DYNC2H1: variants seen among roughly 807,000 people sequenced by gnomAD.
The protein encoded by DYNC2H1 is dynein cytoplasmic 2 heavy chain 1.
In DYNC2H1, 410 loss-of-function variants were observed where a neutral mutation model predicts 570.0. That is an observed-to-expected ratio of 0.72 (90% confidence interval 0.66 to 0.78). The LOEUF (loss-of-function observed/expected upper bound fraction) is 0.78, where lower values mean the gene tolerates loss of function less well. Among genes scored for constraint, DYNC2H1 ranks in the 30% least tolerant of loss-of-function variants. The pLI is 0.00. For missense variants in DYNC2H1, 4,865 were observed against 5,046.4 expected (o/e 0.96, Z 1.09); for synonymous variants, 1,688 against 1,677.6 (o/e 1.01, Z -0.15).
intron 88 of DYNC2H1, among the ~76,000 whole-genome samples, chr11:103,470,476 G>T (rs1196259800): frequency 1.3e-5 from 2 of 152,080 alleles, no homozygotes; most frequent in African/African-American, 2.4e-5. Flanking sequence ...CAACGTGCAG[G>T]TTTGTTACGT....
intron 79 of DYNC2H1, among the ~76,000 whole-genome samples, chr11:103,312,765 G>C (rs150644576): frequency 6.6e-6 from 1 of 152,086 alleles, no homozygotes; most frequent in East Asian, 1.9e-4. Flanking sequence ...ATGAGTGTTA[G>C]GTATCATTTT....
chr11:103,378,952 A>T lies in DYNC2H1; in HGVS notation c.12156+20593A>T, dbSNP rs547844629. On this transcript the variant is annotated intron_variant, in intron 83 of 88. Transcript: ENST00000375735. ...GTTCCACGATAATATGTTTAAGTGT[A>T]TGTTTTTTTGTTTGCATCTATTCTG... Among the ~76,000 whole-genome samples, 27 of 152,280 alleles carry T rather than the reference A, an allele frequency of 1.8e-4. No homozygotes were observed. The East Asian group carries it at 2.9e-3, about 16-fold the overall frequency.
intron 59 of DYNC2H1, among the ~76,000 whole-genome samples, chr11:103,227,774 GT>G (rs539296010): frequency 4.3e-4 from 65 of 152,302 alleles, no homozygotes; most frequent in African/African-American, 1.4e-3. Flanking sequence ...AGTGCTGTCA[GT>G]GGAGTATTAA....
intron 83 of DYNC2H1, among the ~76,000 whole-genome samples, chr11:103,389,252 T>G (rs1942029827): frequency 6.6e-6 from 1 of 152,202 alleles, no homozygotes; most frequent in Admixed American, 6.5e-5. Flanking sequence ...GTCGAGGAAT[T>G]TATCCATTTC....
At chr11:103,365,307 G>T (rs538066358) in intron 83 of DYNC2H1, among the ~76,000 whole-genome samples, 1 of 151,826 alleles carries the variant, frequency 6.6e-6, no homozygotes, top group Admixed American at 6.6e-5. Context: ...GTTGCAGTGA[G>T]CCAAGATCGC....
At position 103,203,741 on chromosome 11, in the gene DYNC2H1, GT is replaced by G. The variant is rs1862810311; in HGVS notation, c.8283del (p.Phe2761LeufsTer20). The part of the protein sequence containing the change: ...LPLKDQASQD[G>X]FFGPVFNYFT... ...CTTAAGGATCAAGCTTCACAAGATGGTTTTTTTGGACCAGTCTTCAATTACT... is the reference window on the plus strand; with the variant it reads ...CTTAAGGATCAAGCTTCACAAGATGGTTTTTTGGACCAGTCTTCAATTACT... On this transcript the variant is annotated frameshift_variant, in exon 51 of 89. Coordinates refer to ENST00000375735, the MANE Select transcript of DYNC2H1 (RefSeq NM_001377.3). LOFTEE classifies it high-confidence loss of function. The surrounding 1 kb of genome is among the most constrained non-coding windows in gnomAD (Gnocchi z 4.7). 2.5e-6 allele frequency: 4 copies of G among 1,611,712 alleles called. No individual in the cohort carries two copies. Among genetic ancestry groups the G allele is most frequent in the African/African-American group, 2.7e-5 (2 of 74,934 alleles).
chr11:103,459,122 A>G (rs1188740486), intron 87 of DYNC2H1, among the ~76,000 whole-genome samples: 2 of 151,038 alleles, frequency 1.3e-5, no homozygotes, highest in African/African-American at 4.9e-5. Flanking sequence ...ATCCCGGCTA[A>G]AACGGTGAAA....
chr11:103,470,186 T>C lies in DYNC2H1; in HGVS notation c.12765+1481T>C, dbSNP rs141343353. The stretch of plus-strand genomic sequence containing the variant: ...TGCTGTCATGGACAAAGCCAATCTG[T>C]TACTGGGTTGTATGAAAAGCAATGT... On this transcript the variant is annotated intron_variant, in intron 88 of 88. Transcript: ENST00000375735. 1.9e-3 allele frequency among the ~76,000 whole-genome samples: 289 copies of C among 152,288 alleles called. 3 individuals carry two copies. Among genetic ancestry groups the C allele is most frequent in the African/African-American group, 6.6e-3 (275 of 41,572 alleles).
intron 82 of DYNC2H1, among the ~76,000 whole-genome samples, chr11:103,357,866 C>T (rs534369864): frequency 2.8e-4 from 42 of 152,296 alleles, no homozygotes; most frequent in African/African-American, 9.4e-4. Flanking sequence ...GGGAGGATCG[C>T]TTGAGCCCAG....
At chr11:103,365,409 A>G (rs1940860477) in intron 83 of DYNC2H1, among the ~76,000 whole-genome samples, 1 of 152,180 alleles carries the variant, frequency 6.6e-6, no homozygotes, top group Non-Finnish European at 1.5e-5. Flanking sequence ...AATTAGTAAT[A>G]GAAGGTTGCT....
intron 3 of DYNC2H1, among the ~76,000 whole-genome samples, chr11:103,114,513 T>A (rs1858277045): frequency 6.6e-6 from 1 of 152,090 alleles, no homozygotes; most frequent in Non-Finnish European, 1.5e-5. Flanking sequence ...AGAGATGGGG[T>A]CTTGCTGTAT....
rs1206456940 is a variant in DYNC2H1, at chr11:103,326,588, G to A, written c.12039+2598G>A. On this transcript the variant is annotated intron_variant, in intron 82 of 88. Transcript: ENST00000375735. This position sits in a 1 kb window ranked among gnomAD's most constrained non-coding sequence, Gnocchi z 6.1. The stretch of plus-strand genomic sequence containing the variant: ...GGACACTGGAACAGCCCTTGGCTTG[G>A]GGTCAGACTCTGGCAGCACTGGGGG... 7.9e-5 allele frequency among the ~76,000 whole-genome samples: 12 copies of A among 152,328 alleles called. 1 individual carries two copies. In the South Asian group the frequency reaches 1.0e-3, roughly 13 times the overall value.
At chr11:103,385,836 A>G (rs1941848740) in intron 83 of DYNC2H1, among the ~76,000 whole-genome samples, 1 of 152,160 alleles carries the variant, frequency 6.6e-6, no homozygotes, top group African/African-American at 2.4e-5. Flanking sequence ...ATAAGCAGAG[A>G]AAAACCATTT....
intron 88 of DYNC2H1, among the ~76,000 whole-genome samples, chr11:103,471,323 C>G (rs1362538792): frequency 6.6e-6 from 1 of 152,170 alleles, no homozygotes; most frequent in Non-Finnish European, 1.5e-5. Flanking sequence ...TTCAGAATGT[C>G]TGTCCCATAT....
chr11:103,367,816 A>G (rs146410730), intron 83 of DYNC2H1, among the ~76,000 whole-genome samples: 46 of 152,130 alleles, frequency 3.0e-4, no homozygotes, highest in Non-Finnish European at 5.9e-4. Context: ...CTCTGCTCCT[A>G]TGTTACCAAC....
At chr11:103,236,408 A>G (rs1864221828) in intron 62 of DYNC2H1, 22 bp from the exon 63 acceptor site, 1 of 1,305,488 alleles carries the variant, frequency 7.7e-7, no homozygotes, top group African/African-American at 1.5e-5. Flanking sequence ...GTGAAGTATT[A>G]TCAATATCTT....
chr11:103,346,067 TA>T (rs561896177), intron 82 of DYNC2H1, among the ~76,000 whole-genome samples: 109 of 152,324 alleles, frequency 7.2e-4, no homozygotes, highest in African/African-American at 2.5e-3. Context: ...GGCAAAATTT[TA>T]AAAACCTGTT....
In DYNC2H1 at chr11:103,245,194, G is replaced by T. The variant is rs1864566152; in HGVS notation, c.9919-57G>T. 1 of 1,341,224 alleles carries T rather than the reference G, an allele frequency of 7.5e-7. No individual in the cohort carries two copies. The highest frequency in any genetic ancestry group is 1.0e-6 in the Non-Finnish European group (1 of 990,720). The allele number at this position is 1,341,224 out of a possible 1,614,324, so 83.1% of individuals were successfully genotyped here. On this transcript the variant is annotated intron_variant, in intron 64 of 88. Coordinates refer to ENST00000375735, the MANE Select transcript of DYNC2H1 (RefSeq NM_001377.3). The surrounding 1 kb of genome is among the most constrained non-coding windows in gnomAD (Gnocchi z 4.5). ...TACTGTAGAAAATCAAAGAAAGGAT[G>T]TTTGTAAATATTAAAGTAATTAAAT...
intron 54 of DYNC2H1, among the ~76,000 whole-genome samples, chr11:103,213,932 T>C (rs1229742065): frequency 6.6e-6 from 1 of 152,212 alleles, no homozygotes; most frequent in Non-Finnish European, 1.5e-5. Flanking sequence ...ATTTCCTCAA[T>C]GTTTTATTCT....
Sources: allele counts gnomAD v4.1 joint callset (sites outside exome capture counted in the v4.1 genomes callset), GRCh38; gene constraint gnomAD v4.1.1; non-coding constraint Gnocchi (gnomAD v3.1); transcripts MANE v1.5; gene names NCBI Gene and HGNC (gene_info 2026-07-23, HGNC 2026-07-21).